ST3GAL3: variants seen among roughly 807,000 people sequenced by gnomAD.
The protein encoded by ST3GAL3 is ST3 beta-galactoside alpha-2,3-sialyltransferase 3.
Under a neutral mutation model 50.1 loss-of-function variants are expected in ST3GAL3, and 21 were observed. That is an observed-to-expected ratio of 0.42 (90% CI 0.30 to 0.60). The LOEUF (loss-of-function observed/expected upper bound fraction) is 0.60, where lower values mean the gene tolerates loss of function less well. Ranked by LOEUF, ST3GAL3 falls within the 20% of genes least tolerant of loss-of-function variation. The pLI is 0.19. For missense variants in ST3GAL3, 353 were observed against 489.4 expected, an observed-to-expected ratio of 0.72 and a Z score of 2.63; for synonymous variants, 183 against 190.0, an observed-to-expected ratio of 0.96 and a Z score of 0.30.
At chr1:43,799,408 C>G (rs994669346) in intron 3 of ST3GAL3, among the ~76,000 whole-genome samples, 1 of 152,104 alleles carries the variant, frequency 6.6e-6, no homozygotes, top group African/African-American at 2.4e-5. Context: ...AATTTATAAA[C>G]AACAGAAATT....
intron 9 of ST3GAL3, among the ~76,000 whole-genome samples, chr1:43,918,119 C>CTCTCTTTT (rs56052310): frequency 3.4e-4 from 45 of 133,904 alleles, no homozygotes; most frequent in Admixed American, 8.0e-5. Flanking sequence ...TTTTCTTTCT[C>CTCTCTTTT]TTTTTTTTTT....
At chr1:43,754,010 A>G (rs1449664675) in intron 2 of ST3GAL3, among the ~76,000 whole-genome samples, 1 of 152,200 alleles carries the variant, frequency 6.6e-6, no homozygotes, top group African/African-American at 2.4e-5. Context: ...ATCTGTACGT[A>G]TATGCACCAA....
intron 2 of ST3GAL3, among the ~76,000 whole-genome samples, chr1:43,778,277 G>A (rs1341406980): frequency 1.3e-5 from 2 of 152,130 alleles, no homozygotes; most frequent in Non-Finnish European, 1.5e-5. Context: ...GGCCTGGTGC[G>A]GGGAAGGAGA....
chr1:43,914,097 C>T (rs977952026), intron 9 of ST3GAL3: 1 of 152,210 alleles, frequency 6.6e-6, no homozygotes, highest in Non-Finnish European at 1.5e-5. Flanking sequence ...GGCAGCTTTC[C>T]CCTCCCCATC....
intron 6 of ST3GAL3, among the ~76,000 whole-genome samples, chr1:43,896,225 A>G (rs1390228312): frequency 6.6e-6 from 1 of 151,130 alleles, no homozygotes. Context: ...CCACCATTCC[A>G]GTGAAACTGC....
At chr1:43,886,899 G>T (rs2076070803) in intron 5 of ST3GAL3, among the ~76,000 whole-genome samples, 1 of 152,144 alleles carries the variant, frequency 6.6e-6, no homozygotes, top group Non-Finnish European at 1.5e-5. Flanking sequence ...GCCTTATTGT[G>T]TGCATAAAGA....
chr1:43,855,761 A>T lies in ST3GAL3; in HGVS notation c.302+17450A>T, dbSNP rs980216208. 2.0e-5 allele frequency among the ~76,000 whole-genome samples: 3 copies of T among 152,038 alleles called. No individual in the cohort carries two copies. The South Asian group carries it at 6.2e-4, about 31-fold the overall frequency. On this transcript the variant is annotated intron_variant, in intron 5 of 11. Transcript: ENST00000347631. ...AATAATTTTTAAAATTTTTAAAAATATATTTATTTACATTCTTAAAAGGGG... is the reference window on the plus strand; with the variant it reads ...AATAATTTTTAAAATTTTTAAAAATTTATTTATTTACATTCTTAAAAGGGG...
In ST3GAL3 at chr1:43,736,252, A is replaced by G. The variant is rs769632862; in HGVS notation, c.-11A>G. ...TTCTAGGTCATTTAGGAAATCGTAA[A>G]TCATGTGAAGATGGGACTCTTGGTA... On this transcript the variant is annotated 5_prime_UTR_variant, in exon 2 of 12. Transcript: ENST00000347631. 1.2e-6 allele frequency: 2 copies of G among 1,614,168 alleles called. No homozygotes were observed. The highest frequency in any genetic ancestry group is 1.7e-6 in the Non-Finnish European group (2 of 1,180,026).
chr1:43,910,881 T>C (rs1431020108), intron 9 of ST3GAL3, among the ~76,000 whole-genome samples: 1 of 152,200 alleles, frequency 6.6e-6, no homozygotes, highest in Non-Finnish European at 1.5e-5. Flanking sequence ...GGCCACAACC[T>C]TTGCCGTGGA....
At chr1:43,770,470 T>C (rs1050568201) in intron 2 of ST3GAL3, among the ~76,000 whole-genome samples, 1 of 152,090 alleles carries the variant, frequency 6.6e-6, no homozygotes, top group Non-Finnish European at 1.5e-5. Context: ...GATAAAAAGA[T>C]AGGACATTTC....
intron 9 of ST3GAL3, among the ~76,000 whole-genome samples, chr1:43,906,444 T>C (rs2079714832): frequency 9.4e-6 from 1 of 105,842 alleles, no homozygotes; most frequent in Non-Finnish European, 1.9e-5. Flanking sequence ...TTCCCCCTCC[T>C]CCTCCTGCTC....
chr1:43,791,243 CTT>C (rs915509586), intron 2 of ST3GAL3, among the ~76,000 whole-genome samples: 1 of 152,074 alleles, frequency 6.6e-6, no homozygotes, highest in African/African-American at 2.4e-5. Context: ...CTTTTTTTCT[CTT>C]TTATCAGTTT....
intron 3 of ST3GAL3, among the ~76,000 whole-genome samples, chr1:43,812,004 A>AC (rs1244139487): frequency 6.6e-6 from 1 of 152,154 alleles, no homozygotes; most frequent in African/African-American, 2.4e-5. Context: ...GAAATGTATC[A>AC]CCTTATAGAC....
intron 3 of ST3GAL3, among the ~76,000 whole-genome samples, chr1:43,798,760 C>T (rs2058981338): frequency 6.6e-6 from 1 of 152,208 alleles, no homozygotes; most frequent in Non-Finnish European, 1.5e-5. Flanking sequence ...CTGTCAATCT[C>T]CCCTACTAAA....
intron 1 of ST3GAL3, among the ~76,000 whole-genome samples, chr1:43,733,904 A>G (rs1326884754): frequency 6.6e-6 from 1 of 152,220 alleles, no homozygotes; most frequent in East Asian, 1.9e-4. Flanking sequence ...TCACGAGGTC[A>G]GGAGGCCATC....
chr1:43,870,952 C>A (rs1173938842), intron 5 of ST3GAL3, among the ~76,000 whole-genome samples: 1 of 152,142 alleles, frequency 6.6e-6, no homozygotes, highest in Non-Finnish European at 1.5e-5. Context: ...CAGGCTTAGT[C>A]CTCCCAGTAC....
chr1:43,894,703 G>A (rs765742467), intron 6 of ST3GAL3, among the ~76,000 whole-genome samples: 13 of 151,054 alleles, frequency 8.6e-5, no homozygotes, highest in Non-Finnish European at 1.9e-4. Flanking sequence ...GCAGTGGCAT[G>A]ATCTCGGCTC....
At chr1:43,743,164 C>A (rs921764793) in intron 2 of ST3GAL3, among the ~76,000 whole-genome samples, 1 of 150,538 alleles carries the variant, frequency 6.6e-6, no homozygotes, top group Admixed American at 6.6e-5. Flanking sequence ...CCCATACTTA[C>A]TCATCTGAAG....
At chr1:43,759,089 A>G (rs977675634) in intron 2 of ST3GAL3, among the ~76,000 whole-genome samples, 14 of 151,504 alleles carry the variant, frequency 9.2e-5, no homozygotes, top group Non-Finnish European at 1.9e-4. Context: ...ACACACACAC[A>G]CACACACACA....
Sources: gnomAD v4.1 joint callset for allele counts (sites outside exome capture counted in the v4.1 genomes callset) on GRCh38, gnomAD v4.1.1 for gene constraint, MANE v1.5 for transcripts, NCBI Gene and HGNC (gene_info 2026-07-23, HGNC 2026-07-21) for gene names.